The following PTPRD variants were observed in gnomAD, a reference collection of about 807,000 sequenced individuals.
PTPRD encodes protein tyrosine phosphatase receptor type D.
In PTPRD, 34 loss-of-function variants were observed where a neutral mutation model predicts 214.5. The observed-to-expected ratio is 0.16, with a 90% CI of 0.12 to 0.21. The LOEUF (loss-of-function observed/expected upper bound fraction) is 0.21. Among genes scored for constraint, PTPRD ranks in the 10% least tolerant of loss-of-function variants. PTPRD has a pLI of 1.00. For missense variants in PTPRD, 2,545 were observed against 2,398.7 expected (o/e 1.06, Z -1.27); for synonymous variants, 1,128 against 845.7 (o/e 1.33, Z -5.79).
chr9:8,936,124 T>C (rs955511104), intron 11 of PTPRD: 1 of 152,100 alleles, frequency 6.6e-6, no homozygotes, highest in African/African-American at 2.4e-5. Context: ...GAAAGAGAAC[T>C]TCAGGTCCAG....
At chr9:10,442,072 TTCTC>T (rs2098763097) in intron 2 of PTPRD, among the ~76,000 whole-genome samples, 1 of 151,688 alleles carries the variant, frequency 6.6e-6, no homozygotes, top group South Asian at 2.1e-4. Context: ...CTATAGCTGA[TTCTC>T]TCATAAAATT....
chr9:8,853,195 G>A (rs898315904), intron 11 of PTPRD, among the ~76,000 whole-genome samples: 2 of 152,158 alleles, frequency 1.3e-5, no homozygotes, highest in Non-Finnish European at 2.9e-5. Flanking sequence ...TAGCACCATT[G>A]TGATGGCATT....
chr9:8,718,833 G>A (rs578239315), intron 12 of PTPRD, among the ~76,000 whole-genome samples: 8 of 152,208 alleles, frequency 5.3e-5, no homozygotes, highest in South Asian at 2.1e-4. Context: ...CCACAAAAGC[G>A]TTTCAGTTTG....
chr9:10,333,012 G>A (rs2096779411), intron 3 of PTPRD, among the ~76,000 whole-genome samples: 1 of 151,830 alleles, frequency 6.6e-6, no homozygotes, highest in Non-Finnish European at 1.5e-5. Context: ...TTTTTAATCT[G>A]CTTTGATCAT....
At chr9:9,963,294 T>G (rs1566771337) in intron 4 of PTPRD, among the ~76,000 whole-genome samples, 1 of 152,178 alleles carries the variant, frequency 6.6e-6, no homozygotes, top group Non-Finnish European at 1.5e-5. Context: ...TTTCCATTAC[T>G]AACATCTAAC....
chr9:9,487,473 G>C (rs1251425727), intron 8 of PTPRD, among the ~76,000 whole-genome samples: 1 of 151,974 alleles, frequency 6.6e-6, no homozygotes. Context: ...TTGGATATTT[G>C]GGTCGGTTCC....
chr9:9,064,676 G>A (rs1211110267), intron 10 of PTPRD, among the ~76,000 whole-genome samples: 2 of 152,174 alleles, frequency 1.3e-5, no homozygotes, highest in Admixed American at 6.5e-5. Context: ...AATACTGTTA[G>A]GCCAATGATT....
At chr9:10,504,029 T>A (rs567206905) in intron 2 of PTPRD, among the ~76,000 whole-genome samples, 65 of 141,448 alleles carry the variant, frequency 4.6e-4, no homozygotes, top group African/African-American at 1.6e-3. Context: ...AGCAGGAGAA[T>A]GGCGTGAACC....
chr9:10,517,692 A>G (rs1216285059), intron 2 of PTPRD, among the ~76,000 whole-genome samples: 1 of 152,062 alleles, frequency 6.6e-6, no homozygotes, highest in East Asian at 1.9e-4. Context: ...ATTTGTGTAT[A>G]ATGTTATTGC....
intron 9 of PTPRD, among the ~76,000 whole-genome samples, chr9:9,352,636 C>A (rs1448830174): frequency 1.3e-5 from 2 of 151,790 alleles, no homozygotes; most frequent in East Asian, 3.9e-4. Flanking sequence ...GAAGAAAAAG[C>A]AAACTCAGAA....
chr9:8,319,380 A>G (rs1468536900), intron 45 of PTPRD, among the ~76,000 whole-genome samples: 1 of 152,040 alleles, frequency 6.6e-6, no homozygotes, highest in East Asian at 1.9e-4. Flanking sequence ...CCAGAATCAA[A>G]ATGTTTTGAA....
chr9:9,529,987 C>A (rs567289689), intron 8 of PTPRD, among the ~76,000 whole-genome samples: 1 of 151,976 alleles, frequency 6.6e-6, no homozygotes, highest in East Asian at 1.9e-4. Context: ...CATACCAAGA[C>A]CTATGGGAAA....
intron 2 of PTPRD, among the ~76,000 whole-genome samples, chr9:10,480,637 T>G (rs1164850405): frequency 6.6e-6 from 1 of 151,980 alleles, no homozygotes; most frequent in Non-Finnish European, 1.5e-5. Flanking sequence ...ATTAACATAT[T>G]TATACAATAT....
chr9:10,355,486 T>C (rs1299679840), intron 2 of PTPRD, among the ~76,000 whole-genome samples: 9 of 151,254 alleles, frequency 6.0e-5, no homozygotes, highest in Non-Finnish European at 1.2e-4. Context: ...TTTCTTTTTT[T>C]TTTTTTTTTG....
At chr9:9,860,391 T>C (rs1243473660) in intron 5 of PTPRD, among the ~76,000 whole-genome samples, 1 of 152,246 alleles carries the variant, frequency 6.6e-6, no homozygotes, top group Non-Finnish European at 1.5e-5. Flanking sequence ...GTTGTCTGCA[T>C]ATAAAGTAGG....
At chr9:8,914,442 A>C (rs2098770576) in intron 11 of PTPRD, among the ~76,000 whole-genome samples, 1 of 152,146 alleles carries the variant, frequency 6.6e-6, no homozygotes, top group Non-Finnish European at 1.5e-5. Context: ...AAGCAAGTCA[A>C]ATTATTTCTT....
At position 10,227,964 on chromosome 9, in the gene PTPRD, C is replaced by A. The variant is rs143980147; in HGVS notation, c.-545+112999G>T. Among the ~76,000 whole-genome samples the A allele has an allele frequency of 3.9e-5, 6 of 151,952 alleles. No individual in the cohort carries two copies. The East Asian group carries it at 1.2e-3, about 30-fold the overall frequency. On this transcript the variant is annotated intron_variant, in intron 3 of 45. Transcript: ENST00000381196. ...AACTCTTTCCAGTCATTCAGAAAGG[C>A]CTAGAAATTTTTCTTGTTAATATAA...
intron 2 of PTPRD, among the ~76,000 whole-genome samples, chr9:10,374,421 C>T (rs578208017): frequency 6.6e-6 from 1 of 152,188 alleles, no homozygotes; most frequent in South Asian, 2.1e-4. Flanking sequence ...CCTTGATACT[C>T]TTTCAGGGAA....
At chr9:9,291,056 C>G (rs1300702474) in intron 9 of PTPRD, among the ~76,000 whole-genome samples, 1 of 151,438 alleles carries the variant, frequency 6.6e-6, no homozygotes, top group Non-Finnish European at 1.5e-5. Flanking sequence ...ATTTATATTT[C>G]TTCTTAAAAT....
Sources: gnomAD v4.1 joint callset for allele counts (sites outside exome capture counted in the v4.1 genomes callset) on GRCh38, gnomAD v4.1.1 for gene constraint, MANE v1.5 for transcripts, NCBI Gene and HGNC (gene_info 2026-07-23, HGNC 2026-07-21) for gene names.